ADCY3: variants seen among roughly 807,000 people sequenced by gnomAD.
ADCY3 encodes adenylate cyclase 3, also known as adenylate cyclase type 3.
In ADCY3, 70 loss-of-function variants were observed where a neutral mutation model predicts 119.4. That is an observed-to-expected ratio of 0.59 (90% CI 0.48 to 0.72). ADCY3 has a LOEUF of 0.72. Ranked by LOEUF, ADCY3 falls within the 30% of genes least tolerant of loss-of-function variation. The probability of loss-of-function intolerance (pLI) is 0.00; values close to 1 mark genes in which losing one functional copy is unlikely to be tolerated. For missense variants in ADCY3, 1,238 were observed against 1,541.6 expected (o/e 0.80, Z 3.30); for synonymous variants, 672 against 621.4 (o/e 1.08, Z -1.21).
At position 24,830,144 on chromosome 2, in the gene ADCY3, G is replaced by A. The variant is rs1362498451; in HGVS notation, c.2172+565C>T. On this transcript the variant is annotated intron_variant, in intron 13 of 21. Coordinates refer to ENST00000679454, the MANE Select transcript of ADCY3 (RefSeq NM_004036.5). ...CAACCTCCGCCTCCTGGGTTCAAGCGATTCTCCTGCTTCAGCCTCCCAAGT... is the reference window on the plus strand; with the variant it reads ...CAACCTCCGCCTCCTGGGTTCAAGCAATTCTCCTGCTTCAGCCTCCCAAGT... Among the ~76,000 whole-genome samples, 9 of 149,214 alleles carry A rather than the reference G, an allele frequency of 6.0e-5. No individual in the cohort carries two copies. In the South Asian group the frequency reaches 1.5e-3, roughly 25 times the overall value.
intron 2 of ADCY3, among the ~76,000 whole-genome samples, chr2:24,877,576 A>G (rs1270045396): frequency 6.6e-6 from 1 of 152,212 alleles, no homozygotes; most frequent in Non-Finnish European, 1.5e-5. Context: ...GGGAGATCAC[A>G]TCCAATCAGG....
In ADCY3 at chr2:24,878,708, G is replaced by A. The variant is rs1426935020; in HGVS notation, c.676-5989C>T. ...TCCCACCCAAGGAGGCCCAGCCAGA[G>A]CCTGTGAGGCCGCCACTCAGCACAG... On this transcript the variant is annotated intron_variant, in intron 2 of 21. Coordinates refer to ENST00000679454, the MANE Select transcript of ADCY3 (RefSeq NM_004036.5). This position sits in a 1 kb window ranked among gnomAD's most constrained non-coding sequence, Gnocchi z 4.0. Among the ~76,000 whole-genome samples the A allele has an allele frequency of 6.6e-6, 1 of 152,194 alleles. No homozygotes were observed. The highest frequency in any genetic ancestry group is 1.5e-5 in the Non-Finnish European group (1 of 68,040).
chr2:24,886,769 G>A (rs1465068894), intron 2 of ADCY3, among the ~76,000 whole-genome samples: 1 of 152,230 alleles, frequency 6.6e-6, no homozygotes, highest in African/African-American at 2.4e-5. Flanking sequence ...TCACTCACTC[G>A]GATGAGCCTG....
chr2:24,830,648 A>G, intron 13 of ADCY3, 61 bp downstream of exon 13: 1 of 1,359,978 alleles, frequency 7.4e-7, no homozygotes, highest in Non-Finnish European at 1.0e-6. Context: ...TGTGACCCAA[A>G]CAGAAGCCCT....
intron 11 of ADCY3, among the ~76,000 whole-genome samples, chr2:24,832,629 C>A (rs1334287756): frequency 6.6e-6 from 1 of 152,178 alleles, no homozygotes; most frequent in Non-Finnish European, 1.5e-5. Context: ...CTCCTTGAGA[C>A]ACTTTTCTCG....
At chr2:24,839,359 T>C (rs989564358) in intron 7 of ADCY3, among the ~76,000 whole-genome samples, 2 of 152,244 alleles carry the variant, frequency 1.3e-5, no homozygotes, top group Non-Finnish European at 2.9e-5. Context: ...GGAAGCTCCC[T>C]GGCCCAGATG....
intron 3 of ADCY3, among the ~76,000 whole-genome samples, chr2:24,848,202 G>C (rs560786401): frequency 6.6e-6 from 1 of 152,216 alleles, no homozygotes; most frequent in Non-Finnish European, 1.5e-5. Flanking sequence ...ATGAGGACAA[G>C]GAACACCTGG....
chr2:24,871,044 G>A (rs1674945624), intron 3 of ADCY3, among the ~76,000 whole-genome samples: 1 of 152,072 alleles, frequency 6.6e-6, no homozygotes, highest in Admixed American at 6.5e-5. Context: ...TACAATATGA[G>A]ACAGACAAGA....
chr2:24,838,679 A>G (rs1241981987), intron 7 of ADCY3, 57 bp from the exon 8 acceptor site: 1 of 1,606,792 alleles, frequency 6.2e-7, no homozygotes, highest in East Asian at 2.2e-5. Context: ...TCACACCCCC[A>G]GGGGACAGTC....
intron 3 of ADCY3, among the ~76,000 whole-genome samples, chr2:24,849,954 G>A (rs571804177): frequency 4.0e-4 from 61 of 152,104 alleles, no homozygotes; most frequent in Non-Finnish European, 6.6e-4. Context: ...CTCAGTGGTG[G>A]CACTGACCTG....
In ADCY3 at chr2:24,820,651, C is replaced by T. The variant is rs567196676; in HGVS notation, c.3252+73G>A. On this transcript the variant is annotated intron_variant, in intron 21 of 21. Coordinates refer to ENST00000679454, the MANE Select transcript of ADCY3 (RefSeq NM_004036.5). Reference sequence around the variant, plus strand: ...AGGGCCAGGGTGGGAGGCAGGGGCACGTGGGAAAGCACTGTTCCGGTTTTG... The same window carrying T: ...AGGGCCAGGGTGGGAGGCAGGGGCATGTGGGAAAGCACTGTTCCGGTTTTG... 6.0e-5 allele frequency: 96 copies of T among 1,590,704 alleles called. 2 individuals are homozygous for T. The South Asian group carries it at 7.3e-4, about 12-fold the overall frequency.
chr2:24,825,826 C>G, intron 16 of ADCY3: 1 of 575,290 alleles, frequency 1.7e-6, no homozygotes, highest in Non-Finnish European at 3.1e-6. Context: ...CTTCACCATC[C>G]TGGAGGGGGT....
At chr2:24,902,422 T>C (rs1679022238) in intron 2 of ADCY3, among the ~76,000 whole-genome samples, 1 of 152,074 alleles carries the variant, frequency 6.6e-6, no homozygotes, top group Admixed American at 6.6e-5. Flanking sequence ...TATGTACAGC[T>C]GTGTGACTAC....
At chr2:24,820,632 A>T (rs938777271) in intron 21 of ADCY3, 92 bp downstream of exon 21, 1 of 1,571,324 alleles carries the variant, frequency 6.4e-7, no homozygotes. Flanking sequence ...GTTCAGGGCC[A>T]GGGTGGGAGG....
In ADCY3 at chr2:24,830,246, G is replaced by A. The variant is rs181190835; in HGVS notation, c.2172+463C>T. Among the ~76,000 whole-genome samples the A allele has an allele frequency of 1.6e-3, 238 of 144,784 alleles. 10 individuals carry two copies. Among genetic ancestry groups the A allele is most frequent in the East Asian group, 9.8e-4 (5 of 5,124 alleles). 95.0% of individuals were successfully genotyped at this position (144,784 alleles called of 152,430 possible). ...AGTACAGATGGGGTTTCACCATGTT[G>A]GCCAGGCTGGTTTCGAACTCCTGAC... On this transcript the variant is annotated intron_variant, in intron 13 of 21. Transcript: ENST00000679454.
rs1573086481 is a variant in ADCY3 at position 24,918,705 on chromosome 2, T to C, written c.283A>G (p.Met95Val). 6.2e-7 allele frequency: 1 copy of C among 1,613,976 alleles called. No individual in the cohort carries two copies. The highest frequency in any genetic ancestry group is 2.2e-5 in the East Asian group (1 of 44,866). Residue 95 changes from methionine to valine, a missense_variant, in exon 2 of 22, where the codon ATG becomes GTG. Physicochemically the swap from Met to Val is conservative, Grantham distance 21. Coordinates refer to ENST00000679454, the MANE Select transcript of ADCY3 (RefSeq NM_004036.5). The surrounding 1 kb of genome is among the most constrained non-coding windows in gnomAD (Gnocchi z 5.4). ...AALFDCYVVV[M>V]CAVVFSSDKL... The stretch of plus-strand genomic sequence containing the variant: ...TCGCTGGAGAAGACCACAGCACACA[T>C]GACCACCACGTAGCAGTCAAAGAGG...
At chr2:24,905,545 G>A (rs537296673) in intron 2 of ADCY3, among the ~76,000 whole-genome samples, 2 of 152,300 alleles carry the variant, frequency 1.3e-5, no homozygotes, top group South Asian at 4.1e-4. Context: ...CAATGATAGG[G>A]TGGATAGGGC....
chr2:24,880,743 T>C (rs1162861287), intron 2 of ADCY3, among the ~76,000 whole-genome samples: 1 of 152,108 alleles, frequency 6.6e-6, no homozygotes, highest in East Asian at 1.9e-4. Flanking sequence ...CAGCTGGGCA[T>C]GGTGGCTCAC....
intron 2 of ADCY3, among the ~76,000 whole-genome samples, chr2:24,911,608 T>C (rs921773170): frequency 2.6e-4 from 33 of 127,148 alleles, no homozygotes; most frequent in African/African-American, 1.0e-3. Flanking sequence ...CAAGATAGCA[T>C]CATTGCACTC....
Sources: gnomAD v4.1 joint callset for allele counts (sites outside exome capture counted in the v4.1 genomes callset) on GRCh38, gnomAD v4.1.1 for gene constraint, Gnocchi (gnomAD v3.1) non-coding constraint, MANE v1.5 for transcripts, NCBI Gene and HGNC (gene_info 2026-07-23, HGNC 2026-07-21) for gene names.